CLVS1: variants seen among roughly 807,000 people sequenced by gnomAD.
CLVS1 encodes clavesin-1.
CLVS1 carries 10 observed loss-of-function variants against 33.1 expected under a neutral mutation model. The observed-to-expected ratio is 0.30, with a 90% CI of 0.19 to 0.51. The LOEUF is 0.51. Ranked by LOEUF, CLVS1 falls within the 20% of genes least tolerant of loss-of-function variation. CLVS1 has a pLI of 0.97. For missense variants in CLVS1, 343 were observed against 433.4 expected, an observed-to-expected ratio of 0.79 and a Z score of 1.85; for synonymous variants, 163 against 166.1, an observed-to-expected ratio of 0.98 and a Z score of 0.14.
At chr8:61,436,004 G>T (rs1233636105) in intron 3 of CLVS1, among the ~76,000 whole-genome samples, 3 of 152,020 alleles carry the variant, frequency 2.0e-5, no homozygotes, top group African/African-American at 7.2e-5. Context: ...TATTTTAAAG[G>T]TTTCAAATAT....
intron 2 of CLVS1, among the ~76,000 whole-genome samples, chr8:61,320,611 C>G (rs1358539018): frequency 1.3e-5 from 2 of 152,176 alleles, no homozygotes; most frequent in East Asian, 3.9e-4. Context: ...AGTCCAAGAT[C>G]AAGGTACTAA....
At chr8:61,123,473 T>C (rs1338083052) in intron 1 of CLVS1, among the ~76,000 whole-genome samples, 1 of 152,240 alleles carries the variant, frequency 6.6e-6, no homozygotes, top group African/African-American at 2.4e-5. Flanking sequence ...CTAAAAATTA[T>C]ATGTGGTAAA....
intron 2 of CLVS1, among the ~76,000 whole-genome samples, chr8:61,216,045 G>A (rs558975823): frequency 6.6e-6 from 1 of 152,246 alleles, no homozygotes; most frequent in South Asian, 2.1e-4. Context: ...AGGAGAAAGG[G>A]GAGAAAATAT....
intron 3 of CLVS1, among the ~76,000 whole-genome samples, chr8:61,382,642 G>A (rs1026756227): frequency 4.6e-5 from 7 of 152,184 alleles, no homozygotes; most frequent in Non-Finnish European, 4.4e-5. Flanking sequence ...TTTAAGCACC[G>A]CAGATGCCCC....
At chr8:61,093,425 T>C (rs1805289549) in intron 1 of CLVS1, among the ~76,000 whole-genome samples, 1 of 152,190 alleles carries the variant, frequency 6.6e-6, no homozygotes, top group African/African-American at 2.4e-5. Context: ...GTCCAAAAAC[T>C]GTGTGGGTCA....
At chr8:61,317,311 T>C (rs1402313472) in intron 2 of CLVS1, among the ~76,000 whole-genome samples, 1 of 152,168 alleles carries the variant, frequency 6.6e-6, no homozygotes, top group Admixed American at 6.5e-5. Flanking sequence ...GTGAGTCAAA[T>C]GCTGGGGGAA....
the CLVS1 span, among the ~76,000 whole-genome samples, chr8:60,996,703 T>C: frequency 3.3e-5 from 5 of 152,118 alleles, no homozygotes; most frequent in African/African-American, 1.2e-4. Context: ...TCTCTGTCAC[T>C]CAAAATGTCC....
At chr8:61,175,982 G>T (rs931577141) in intron 2 of CLVS1, among the ~76,000 whole-genome samples, 6 of 152,128 alleles carry the variant, frequency 3.9e-5, no homozygotes, top group African/African-American at 1.4e-4. Context: ...AGTACTTCCT[G>T]ACTTGCCAAC....
the CLVS1 span, among the ~76,000 whole-genome samples, chr8:61,048,339 C>G: frequency 6.6e-6 from 1 of 152,216 alleles, no homozygotes; most frequent in African/African-American, 2.4e-5. Flanking sequence ...ATCTCACTGA[C>G]AGTGCTCTTG....
chr8:61,208,807 C>T (rs566148020), intron 2 of CLVS1, among the ~76,000 whole-genome samples: 8 of 152,256 alleles, frequency 5.3e-5, no homozygotes, highest in African/African-American at 1.4e-4. Context: ...AGGATGATCT[C>T]GATCTCTTGA....
At chr8:61,485,987 A>G (rs2129608398) in intron 5 of CLVS1, among the ~76,000 whole-genome samples, 1 of 152,210 alleles carries the variant, frequency 6.6e-6, no homozygotes, top group South Asian at 2.1e-4. Context: ...TAGGAGTTAT[A>G]CCTAATGTAA....
At chr8:61,433,970 A>G (rs1434203332) in intron 3 of CLVS1, among the ~76,000 whole-genome samples, 1 of 151,988 alleles carries the variant, frequency 6.6e-6, no homozygotes, top group Non-Finnish European at 1.5e-5. Flanking sequence ...TAGATGGGCT[A>G]GAAGAGGGGC....
At chr8:61,101,609 T>C (rs1222490917) in intron 1 of CLVS1, among the ~76,000 whole-genome samples, 1 of 152,162 alleles carries the variant, frequency 6.6e-6, no homozygotes, top group Non-Finnish European at 1.5e-5. Context: ...AATGTAAAAG[T>C]TTTTAACTTT....
intron 1 of CLVS1, among the ~76,000 whole-genome samples, chr8:61,298,235 C>T (rs1002856697): frequency 6.6e-6 from 1 of 152,126 alleles, no homozygotes; most frequent in East Asian, 1.9e-4. Context: ...GATTTTGAAA[C>T]TTCTTACAAT....
intron 2 of CLVS1, among the ~76,000 whole-genome samples, chr8:61,356,531 G>A (rs1233050299): frequency 2.6e-5 from 4 of 151,062 alleles, no homozygotes; most frequent in African/African-American, 7.3e-5. Flanking sequence ...TTTCTTCTAG[G>A]GTTTTTATGG....
chr8:61,067,025 T>TG (rs35690788), intron 1 of CLVS1, among the ~76,000 whole-genome samples: 34 of 149,640 alleles, frequency 2.3e-4, no homozygotes, highest in South Asian at 1.1e-3. Flanking sequence ...GAGCCATAAA[T>TG]GGGGGGGGAG....
chr8:61,227,741 T>C (rs1160481435), intron 2 of CLVS1, among the ~76,000 whole-genome samples: 1 of 152,210 alleles, frequency 6.6e-6, no homozygotes, highest in Non-Finnish European at 1.5e-5. Context: ...TACTTTATAT[T>C]GGAATAATTG....
At chr8:61,453,087 A>AT (rs11420974) in intron 3 of CLVS1, among the ~76,000 whole-genome samples, 101,176 of 148,338 alleles carry the variant, frequency 0.68, 34,708 homozygotes, top group Middle Eastern at 0.79. Flanking sequence ...TCTTGCTAAC[A>AT]TTTTTTTTTT....
the CLVS1 span, among the ~76,000 whole-genome samples, chr8:61,046,844 C>A: frequency 6.6e-6 from 1 of 151,804 alleles, no homozygotes; most frequent in Non-Finnish European, 1.5e-5. Context: ...GATTTTGTAT[C>A]CTGAGACTTT....
Sources: gnomAD v4.1 joint callset for allele counts (sites outside exome capture counted in the v4.1 genomes callset) on GRCh38, gnomAD v4.1.1 for gene constraint, MANE v1.5 for transcripts, NCBI Gene and HGNC (gene_info 2026-07-23, HGNC 2026-07-21) for gene names.